COL1A1: variants seen among roughly 807,000 people sequenced by gnomAD.
The protein encoded by COL1A1 is collagen alpha-1(I) chain.
A neutral mutation model predicts 195.7 loss-of-function variants in COL1A1; 21 were observed. That is an observed-to-expected ratio of 0.11 (90% CI 0.08 to 0.15). COL1A1 has a LOEUF of 0.15. Ranked by LOEUF, COL1A1 falls within the 10% of genes least tolerant of loss-of-function variation. The probability of loss-of-function intolerance (pLI) is 1.00; values close to 1 mark genes in which losing one functional copy is unlikely to be tolerated. For missense variants in COL1A1, 1,365 were observed against 2,051.0 expected, an observed-to-expected ratio of 0.67 and a Z score of 6.46; for synonymous variants, 749 against 747.3, an observed-to-expected ratio of 1.00 and a Z score of -0.04.
intron 1 of COL1A1, 37 bp from the exon 2 acceptor site, chr17:50,199,984 C>T (rs778062061): frequency 1.9e-6 from 3 of 1,604,688 alleles, no homozygotes; most frequent in Admixed American, 3.3e-5. Flanking sequence ...TCAGTAGTGA[C>T]TGCAACCCCC....
intron 1 of COL1A1, among the ~76,000 whole-genome samples, chr17:50,201,019 A>C (rs1298136515): frequency 6.6e-6 from 1 of 152,232 alleles, no homozygotes; most frequent in Non-Finnish European, 1.5e-5. Flanking sequence ...AGAGAGGGCA[A>C]TCTTTCCTTA....
chr17:50,190,076 T>G lies in COL1A1; in HGVS notation c.2484A>C (p.Glu828Asp). ...GADGQPGAKGEPGDAGAKGDA... is the reference protein window; with the variant it reads ...GADGQPGAKGDPGDAGAKGDA... ...CGCCTTTAGCACCAGCATCACCAGG[T>G]TCGCCTTTAGCACCAGGTTGGCCGT... The change falls in exon 36 of 51, where the codon GAA (glutamate) becomes GAC (aspartate). Residue 828 changes from glutamate (E) to aspartate (D), a missense_variant. Physicochemically the swap from Glu to Asp is conservative, Grantham distance 45. Coordinates refer to ENST00000225964, the MANE Select transcript of COL1A1 (RefSeq NM_000088.4). This position sits in a 1 kb window ranked among gnomAD's most constrained non-coding sequence, Gnocchi z 4.7. The G allele has an allele frequency of 6.2e-7, 1 of 1,610,774 alleles. No individual in the cohort carries two copies. Among genetic ancestry groups the G allele is most frequent in the Non-Finnish European group, 8.5e-7 (1 of 1,179,244 alleles).
intron 1 of COL1A1, among the ~76,000 whole-genome samples, chr17:50,201,022 T>G (rs1908045431): frequency 5.9e-5 from 9 of 152,210 alleles, no homozygotes; most frequent in Admixed American, 5.9e-4. Flanking sequence ...GAGGGCAATC[T>G]TTCCTTATGA....
At chr17:50,201,061 T>C (rs1402319640) in intron 1 of COL1A1, among the ~76,000 whole-genome samples, 1 of 152,244 alleles carries the variant, frequency 6.6e-6, no homozygotes, top group East Asian at 1.9e-4. Flanking sequence ...TGATTGCTTC[T>C]ACATCTTGGG....
rs1345946435 is a variant in COL1A1, at chr17:50,190,720, C to T, written c.2343+97G>A. 3 of 1,481,498 alleles carry T rather than the reference C, an allele frequency of 2.0e-6. No individual in the cohort carries two copies. In the African/African-American group the frequency reaches 4.2e-5, roughly 21 times the overall value. 91.8% of individuals were successfully genotyped at this position (1,481,498 alleles called of 1,614,324 possible). On this transcript the variant is annotated intron_variant, in intron 33 of 50. Coordinates refer to ENST00000225964, the MANE Select transcript of COL1A1 (RefSeq NM_000088.4). This position sits in a 1 kb window ranked among gnomAD's most constrained non-coding sequence, Gnocchi z 4.7. ...TTCCCAGGTTGACAGCTCAGTTTGG[C>T]AGGACCTGCTCTCCCAACGCAACCC...
intron 1 of COL1A1, among the ~76,000 whole-genome samples, chr17:50,200,855 G>A (rs1908022326): frequency 1.3e-5 from 2 of 152,174 alleles, no homozygotes; most frequent in South Asian, 4.1e-4. Context: ...GCGTTGGACC[G>A]GGAGACGCAG....
chr17:50,199,603 G>T lies in COL1A1; in HGVS notation c.299-13C>A, dbSNP rs1907892970. ...TCGGTGGGTGACTCTAGGGGACGAA[G>T]AGACGCGCGTTAGAGCCAAGGTTTG... On this transcript the variant is annotated splice_polypyrimidine_tract_variant and intron_variant, in intron 2 of 50. Transcript: ENST00000225964. 2 of 1,614,098 alleles carry T rather than the reference G, an allele frequency of 1.2e-6. No individual in the cohort carries two copies. Among genetic ancestry groups the T allele is most frequent in the Non-Finnish European group, 8.5e-7 (1 of 1,179,978 alleles).
chr17:50,192,811 G>A lies in COL1A1; in HGVS notation c.1861C>T (p.Pro621Ser). 1 of 1,614,070 alleles carries A rather than the reference G, an allele frequency of 6.2e-7. No homozygotes were observed. Among genetic ancestry groups the A allele is most frequent in the Non-Finnish European group, 8.5e-7 (1 of 1,180,012 alleles). ...GGGACACTCACAGCAGGGCCAGGGG[G>A]TCCCTGAGCTCCAGCCTCTCCATCT... ...GKDGEAGAQG[P>S]PGPAGPAGER... The change falls in exon 27 of 51, where the codon CCC becomes TCC. Residue 621 changes from proline to serine, a missense_variant. Transcript: ENST00000225964.
At position 50,190,534 on chromosome 17, in the gene COL1A1, T is replaced by G. The variant is rs765246955; in HGVS notation, c.2397+9A>C. 4 of 1,612,374 alleles carry G rather than the reference T, an allele frequency of 2.5e-6. No individual in the cohort carries two copies. Among genetic ancestry groups the G allele is most frequent in the Non-Finnish European group, 3.4e-6 (4 of 1,178,976 alleles). On this transcript the variant is annotated intron_variant, in intron 34 of 50. Coordinates refer to ENST00000225964, the MANE Select transcript of COL1A1 (RefSeq NM_000088.4). This position sits in a 1 kb window ranked among gnomAD's most constrained non-coding sequence, Gnocchi z 4.7. ...AAGTATGGGGTCTTAACAGGTCTTC[T>G]GTACTTACGGGGGCACCACGAGCTC...
In COL1A1 at chr17:50,192,933, G is replaced by A; in HGVS notation, c.1821+61C>T. ...CGTGGCCTCTAGCACCCCTCCTGCA[G>A]GGAGGAGAAAGTGCCGGGGCAGCAA... On this transcript the variant is annotated intron_variant, in intron 26 of 50. Coordinates refer to ENST00000225964, the MANE Select transcript of COL1A1 (RefSeq NM_000088.4). 3.7e-6 allele frequency: 6 copies of A among 1,610,224 alleles called. No individual in the cohort carries two copies. The African/African-American group carries it at 4.0e-5, about 11-fold the overall frequency.
intron 27 of COL1A1, 40 bp downstream of exon 27, chr17:50,192,757 C>G (rs1907207664): frequency 2.0e-5 from 33 of 1,613,824 alleles, no homozygotes; most frequent in Non-Finnish European, 2.7e-5. Context: ...GGGTGTCTCC[C>G]CTTTTCTGCT....
At position 50,185,257 on chromosome 17, in the gene COL1A1, C is replaced by CTTTTTTTTTTTTTTTT. The variant is rs56302025; in HGVS notation, c.*229_*244dup. ...TTTTTTAAAAAGTTATTTATTTATT[C>CTTTTTTTTTTTTTTTT]TTTTTTTTTTTTTTTTTTTGGTAAG... On this transcript the variant is annotated 3_prime_UTR_variant, in exon 51 of 51. Coordinates refer to ENST00000225964, the MANE Select transcript of COL1A1 (RefSeq NM_000088.4). The CTTTTTTTTTTTTTTTT allele has an allele frequency of 1.0e-5, 2 of 192,550 alleles. No homozygotes were observed. The highest frequency in any genetic ancestry group is 9.5e-6 in the Non-Finnish European group (1 of 105,544). 11.9% of individuals were successfully genotyped at this position (192,550 alleles called of 1,614,324 possible).
At position 50,189,342 on chromosome 17, in the gene COL1A1, C is replaced by T; in HGVS notation, c.2829+35G>A. On this transcript the variant is annotated intron_variant, in intron 39 of 50. Coordinates refer to ENST00000225964, the MANE Select transcript of COL1A1 (RefSeq NM_000088.4). The surrounding 1 kb of genome is among the most constrained non-coding windows in gnomAD (Gnocchi z 5.5). ...AGGGACCCCTCCCCAGCTCTGCACA[C>T]CTCCGGAGCTGCAGAGATCTGAGCT... The T allele has an allele frequency of 6.2e-7, 1 of 1,613,642 alleles. No individual in the cohort carries two copies. The highest frequency in any genetic ancestry group is 8.5e-7 in the Non-Finnish European group (1 of 1,179,882).
rs1217455544 is a variant in COL1A1, at chr17:50,185,516, C to T, written c.4381G>A (p.Val1461Ile). The change falls in exon 51 of 51, where the codon GTC becomes ATC. Residue 1461 changes from valine (V) to isoleucine (I), a missense_variant. Val to Ile is a conservative substitution (Grantham distance 29). This residue lies in a region of COL1A1 where 273 missense variants were observed against 338.6 expected (regional missense o/e 0.81). Transcript: ENST00000225964. Reference sequence around the variant, plus strand: ...ATGGAGGGAGTTTACAGGAAGCAGACAGGGCCAACGTCGAAGCCGAATTCC... The same window carrying T: ...ATGGAGGGAGTTTACAGGAAGCAGATAGGGCCAACGTCGAAGCCGAATTCC... ...DQEFGFDVGPVCFL is the reference protein window; with the variant it reads ...DQEFGFDVGPICFL 1.2e-6 allele frequency: 2 copies of T among 1,613,640 alleles called. No homozygotes were observed. Among genetic ancestry groups the T allele is most frequent in the South Asian group, 2.2e-5 (2 of 91,056 alleles).
chr17:50,195,025 G>C lies in COL1A1; in HGVS notation c.1353+22C>G. 1 of 1,612,810 alleles carries C rather than the reference G, an allele frequency of 6.2e-7. No individual in the cohort carries two copies. On this transcript the variant is annotated intron_variant, in intron 20 of 50. Coordinates refer to ENST00000225964, the MANE Select transcript of COL1A1 (RefSeq NM_000088.4). The surrounding 1 kb of genome is among the most constrained non-coding windows in gnomAD (Gnocchi z 4.3). Reference sequence around the variant, plus strand: ...TAGGGCAGGGTGGGCTGGGCTGCAAGAAGGATGGCGGGGAGACTTACAGGC... The same window carrying C: ...TAGGGCAGGGTGGGCTGGGCTGCAACAAGGATGGCGGGGAGACTTACAGGC...
chr17:50,197,348 C>G (rs1907686745), intron 9 of COL1A1, 115 bp from the exon 10 acceptor site: 3 of 1,032,168 alleles, frequency 2.9e-6, no homozygotes, highest in Non-Finnish European at 4.5e-6. Context: ...GTTTGGGGGC[C>G]CAGAATCTTA....
In COL1A1 at chr17:50,193,952, T is replaced by C; in HGVS notation, c.1758A>G (p.Lys586=). The C allele has an allele frequency of 1.9e-6, 3 of 1,613,978 alleles. No homozygotes were observed. Among genetic ancestry groups the C allele is most frequent in the Non-Finnish European group, 2.5e-6 (3 of 1,179,920 alleles). Residue 586 remains lysine (K), a synonymous_variant, in exon 25 of 51, where the codon AAA becomes AAG. Transcript: ENST00000225964. The stretch of plus-strand genomic sequence containing the variant: ...CTCACTTAATACTCACAGCAGCACC[T>C]TTAGGTCCAGGGAATCCCATCACAC... The part of the protein sequence containing the change: ...QAGVMGFPGP[K]GAAGEPGKAG...
intron 5 of COL1A1, 133 bp from the exon 6 acceptor site, chr17:50,198,637 A>C: frequency 1.6e-6 from 1 of 630,630 alleles, no homozygotes; most frequent in Non-Finnish European, 2.6e-6. Flanking sequence ...CTTTTAAGAC[A>C]TTCCTGCAAA....
rs1196160680 is a variant in COL1A1, at chr17:50,190,408, G to A, written c.2398-28C>T. 5.6e-6 allele frequency: 9 copies of A among 1,606,974 alleles called. No individual in the cohort carries two copies. In the East Asian group the frequency reaches 1.8e-4, roughly 32 times the overall value. On this transcript the variant is annotated intron_variant, in intron 34 of 50. Transcript: ENST00000225964. The surrounding 1 kb of genome is among the most constrained non-coding windows in gnomAD (Gnocchi z 4.7). The stretch of plus-strand genomic sequence containing the variant: ...AGAAGAAAAGGAGTCAGATTGGAGA[G>A]ATGCGCTGACAGGAGGGAAGGCGGG...
Sources: gnomAD v4.1 joint callset for allele counts (sites outside exome capture counted in the v4.1 genomes callset) on GRCh38, gnomAD v4.1.1 for gene constraint, gnomAD v4.1.1 regional missense constraint, Gnocchi (gnomAD v3.1) non-coding constraint, MANE v1.5 for transcripts, NCBI Gene and HGNC (gene_info 2026-07-23, HGNC 2026-07-21) for gene names.